Variants in LRRK1 observed in about 807,000 individuals in gnomAD.
LRRK1 encodes leucine rich repeat kinase 1.
A neutral mutation model predicts 209.1 loss-of-function variants in LRRK1; 113 were observed. The ratio of observed to expected loss-of-function variants is 0.54; its 90% CI spans 0.46 to 0.63. LRRK1 has a LOEUF of 0.63. Among genes scored for constraint, LRRK1 ranks in the 30% least tolerant of loss-of-function variants. The probability of loss-of-function intolerance (pLI) is 0.00; values close to 1 mark genes in which losing one functional copy is unlikely to be tolerated. For synonymous variants in LRRK1, 1,144 were observed against 1,099.7 expected (o/e 1.04, Z -0.80); for missense variants, 2,284 against 2,632.2 (o/e 0.87, Z 2.89).
intron 17 of LRRK1, among the ~76,000 whole-genome samples, chr15:101,026,669 G>T (rs953544679): frequency 2.0e-5 from 3 of 152,376 alleles, no homozygotes; most frequent in African/African-American, 7.2e-5. Context: ...CCTGCAGGTT[G>T]TGGGGATTGT....
intron 2 of LRRK1, among the ~76,000 whole-genome samples, chr15:100,951,032 G>A (rs949492186): frequency 3.3e-5 from 5 of 152,246 alleles, no homozygotes; most frequent in African/African-American, 1.2e-4. Context: ...GAACCCGGGA[G>A]GCGGAGCTTG....
chr15:101,022,389 A>T lies in LRRK1; in HGVS notation c.1859A>T (p.Lys620Ile). The change falls in exon 15 of 34, where the codon AAA (lysine) becomes ATA (isoleucine). Residue 620 changes from lysine to isoleucine, a missense_variant. Transcript: ENST00000388948. This position sits in a 1 kb window ranked among gnomAD's most constrained non-coding sequence, Gnocchi z 4.0. ...VPAEIQKEGPKAMLSYLRAQL... is the reference protein window; with the variant it reads ...VPAEIQKEGPIAMLSYLRAQL... ...CCTTAATGATTTTGCACAGGCCCCAAAGCAATGCTGTCTTACCTGCGTGCT... is the reference window on the plus strand; with the variant it reads ...CCTTAATGATTTTGCACAGGCCCCATAGCAATGCTGTCTTACCTGCGTGCT... 1 of 1,614,204 alleles carries T rather than the reference A, an allele frequency of 6.2e-7. No individual in the cohort carries two copies. The highest frequency in any genetic ancestry group is 8.5e-7 in the Non-Finnish European group (1 of 1,180,024).
intron 4 of LRRK1, among the ~76,000 whole-genome samples, chr15:100,986,967 A>G (rs1403586483): frequency 1.3e-5 from 2 of 152,208 alleles, no homozygotes; most frequent in East Asian, 3.8e-4. Flanking sequence ...GTCCTGAAAT[A>G]TAATGCCTGC....
chr15:101,057,733 T>C (rs1324426170), intron 28 of LRRK1, among the ~76,000 whole-genome samples: 1 of 152,154 alleles, frequency 6.6e-6, no homozygotes, highest in Non-Finnish European at 1.5e-5. Flanking sequence ...TGTATGTCCT[T>C]GGGCCTGGGT....
chr15:101,012,779 T>C (rs1380627904), intron 10 of LRRK1, among the ~76,000 whole-genome samples: 5 of 152,042 alleles, frequency 3.3e-5, no homozygotes, highest in South Asian at 4.1e-4. Context: ...CCCTTCAGCA[T>C]GTGTATCCTC....
chr15:101,055,068 CT>C lies in LRRK1; in HGVS notation c.4178del (p.Leu1393ArgfsTer30). 1 of 1,614,184 alleles carries C rather than the reference CT, an allele frequency of 6.2e-7. No individual in the cohort carries two copies. Among genetic ancestry groups the C allele is most frequent in the South Asian group, 1.1e-5 (1 of 91,080 alleles). The stretch of plus-strand genomic sequence containing the variant: ...CTGTGACCTGAAGTCGGACAACATT[CT>C]GGTGTGGTCCCTTGACGTCAAGGAG... The part of the protein sequence containing the change: ...IFCDLKSDNI[L>X]VWSLDVKEHI... On this transcript the variant is annotated frameshift_variant, in exon 27 of 34. Transcript: ENST00000388948. LOFTEE classifies it high-confidence loss of function.
rs1016734295 is a variant in LRRK1 at position 101,021,287 on chromosome 15, A to G, written c.1739+105A>G. 7.8e-6 allele frequency: 10 copies of G among 1,274,780 alleles called. No homozygotes were observed. The African/African-American group carries it at 1.4e-4, about 17-fold the overall frequency. The allele number at this position is 1,274,780 out of a possible 1,614,324, so 79.0% of individuals were successfully genotyped here. On this transcript the variant is annotated intron_variant, in intron 13 of 33. Coordinates refer to ENST00000388948, the MANE Select transcript of LRRK1 (RefSeq NM_024652.6). ...ACAGAAAGCCAGGCAGAAAGAAGCC[A>G]TCTACTTTCCAAGAAGCAGTAGTGA... is the stretch of plus-strand genomic sequence containing the variant.
rs1197515852 is a variant in LRRK1, at chr15:101,077,616, T to C, written c.*8768T>C. The C allele has an allele frequency of 6.6e-6, 1 of 152,206 alleles. No individual in the cohort carries two copies. The highest frequency in any genetic ancestry group is 1.9e-4 in the East Asian group (1 of 5,196). 9.4% of individuals were successfully genotyped at this position (152,206 alleles called of 1,614,324 possible). On this transcript the variant is annotated 3_prime_UTR_variant, in exon 34 of 34. Transcript: ENST00000388948. ...ATCACCAATAATTCTAAATGACGAA[T>C]GTTTCTTCTAACAACCGCACAATAT...
chr15:100,984,917 G>A (rs1390856695), intron 4 of LRRK1, among the ~76,000 whole-genome samples: 1 of 152,168 alleles, frequency 6.6e-6, no homozygotes, highest in Non-Finnish European at 1.5e-5. Flanking sequence ...TTGGGTGGGA[G>A]AACATGCAGT....
At chr15:101,042,492 C>A (rs564382261) in intron 20 of LRRK1, among the ~76,000 whole-genome samples, 2 of 152,120 alleles carry the variant, frequency 1.3e-5, no homozygotes, top group Non-Finnish European at 2.9e-5. Context: ...CTCTGAGAAG[C>A]CTACTGCCCC....
chr15:100,983,771 T>TTC, intron 4 of LRRK1, 72 bp downstream of exon 4: 1 of 1,389,716 alleles, frequency 7.2e-7, no homozygotes. Context: ...CCAAAATGTT[T>TTC]ACTTCTTCAT....
intron 10 of LRRK1, 133 bp downstream of exon 10, chr15:101,012,278 C>T (rs2033290397): frequency 4.4e-6 from 4 of 915,998 alleles, no homozygotes; most frequent in Non-Finnish European, 6.7e-6. Context: ...AAAAGTTCAG[C>T]TATCAAAAAT....
intron 3 of LRRK1, among the ~76,000 whole-genome samples, chr15:100,976,274 G>A (rs1259761824): frequency 6.6e-6 from 1 of 152,106 alleles, no homozygotes; most frequent in African/African-American, 2.4e-5. Context: ...AAAAGAGGGT[G>A]CACTCACCTG....
rs147540704 is a variant in LRRK1, at chr15:100,930,304, G to A, written c.97+5575G>A. ...GGACAGGCCGCCGGCAACTTTACAC[G>A]TTCCGCTTGGATATCCAAGAGTTTT... On this transcript the variant is annotated intron_variant, in intron 2 of 33. Transcript: ENST00000388948. Among the ~76,000 whole-genome samples, 116 of 152,294 alleles carry A rather than the reference G, an allele frequency of 7.6e-4. 1 individual carries two copies. Among genetic ancestry groups the A allele is most frequent in the African/African-American group, 2.3e-3 (96 of 41,566 alleles).
At chr15:101,046,885 C>T (rs558934454) in intron 21 of LRRK1, among the ~76,000 whole-genome samples, 4 of 152,314 alleles carry the variant, frequency 2.6e-5, no homozygotes, top group East Asian at 1.9e-4. Context: ...TCATGCAGGG[C>T]AGGAACATGG....
At chr15:100,984,004 A>T (rs7176253) in intron 4 of LRRK1, among the ~76,000 whole-genome samples, 1 of 152,128 alleles carries the variant, frequency 6.6e-6, no homozygotes, top group African/African-American at 2.4e-5. Context: ...GGAAAAAATC[A>T]ATTGGAATGT....
At chr15:100,978,064 A>G (rs192462824) in intron 3 of LRRK1, among the ~76,000 whole-genome samples, 22 of 152,324 alleles carry the variant, frequency 1.4e-4, no homozygotes, top group African/African-American at 5.3e-4. Context: ...TAGAACTTAA[A>G]AGTACAATAC....
chr15:101,014,302 C>A lies in LRRK1; in HGVS notation c.1420-14C>A. 1 of 1,564,834 alleles carries A rather than the reference C, an allele frequency of 6.4e-7. No homozygotes were observed. Among genetic ancestry groups the A allele is most frequent in the Admixed American group, 1.7e-5 (1 of 58,152 alleles). ...TGCTATCTTAGCTTCTCTCTCCCTC[C>A]CTCTCTCTCTCAGGCCCTCATGTTC... On this transcript the variant is annotated splice_polypyrimidine_tract_variant and intron_variant, in intron 10 of 33. Transcript: ENST00000388948.
intron 2 of LRRK1, among the ~76,000 whole-genome samples, chr15:100,933,697 C>T (rs1334406392): frequency 1.3e-5 from 2 of 151,766 alleles, no homozygotes; most frequent in East Asian, 3.9e-4. Context: ...TGGCACACAC[C>T]TGTAGTCCCA....
Sources: gnomAD v4.1 joint callset for allele counts (sites outside exome capture counted in the v4.1 genomes callset) on GRCh38, gnomAD v4.1.1 for gene constraint, Gnocchi (gnomAD v3.1) non-coding constraint, MANE v1.5 for transcripts, NCBI Gene and HGNC (gene_info 2026-07-23, HGNC 2026-07-21) for gene names.